PCCB: variants seen among roughly 807,000 people sequenced by gnomAD.
The protein encoded by PCCB is propionyl-CoA carboxylase subunit beta, also known as propionyl-CoA carboxylase beta chain, mitochondrial.
Under a neutral mutation model 60.7 loss-of-function variants are expected in PCCB, and 43 were observed. That is an observed-to-expected ratio of 0.71 (90% confidence interval 0.55 to 0.91). The LOEUF is 0.91. PCCB is among the 40% of genes least tolerant of loss of function. The pLI is 0.00. For missense variants in PCCB, 766 were observed against 702.8 expected (o/e 1.09, Z -1.02); for synonymous variants, 276 against 255.9 (o/e 1.08, Z -0.75).
At chr3:136,300,117 C>T (rs1232849187) in intron 8 of PCCB, among the ~76,000 whole-genome samples, 1 of 151,504 alleles carries the variant, frequency 6.6e-6, no homozygotes, top group Non-Finnish European at 1.5e-5. Context: ...TGCATATCTA[C>T]ACGTGTATAT....
intron 6 of PCCB, among the ~76,000 whole-genome samples, chr3:136,292,699 GGAA>G (rs1330165728): frequency 4.6e-5 from 7 of 152,198 alleles, no homozygotes; most frequent in African/African-American, 1.7e-4. Flanking sequence ...GAATGTGTTG[GGAA>G]GAAAATGTTT....
chr3:136,299,758 G>A (rs1097472), intron 8 of PCCB, among the ~76,000 whole-genome samples: 13 of 149,284 alleles, frequency 8.7e-5, no homozygotes, highest in East Asian at 7.9e-4. Flanking sequence ...ATGCATGTGT[G>A]TGTATGTATA....
At chr3:136,318,226 T>TC (rs111553081) in intron 10 of PCCB, among the ~76,000 whole-genome samples, 1,831 of 152,126 alleles carry the variant, frequency 0.012, 27 homozygotes, top group East Asian at 0.036. Flanking sequence ...GTGCCTGTAG[T>TC]CCAGCTACTT....
At chr3:136,260,670 G>C in intron 4 of PCCB, 135 bp downstream of exon 4, 2 of 749,862 alleles carry the variant, frequency 2.7e-6, no homozygotes, top group South Asian at 1.5e-5. Flanking sequence ...CTACCAACCC[G>C]AAGGGGTGCA....
rs1416229997 is a variant in PCCB at position 136,304,829 on chromosome 3, T to G, written c.966+3718T>G. 7.6e-5 allele frequency among the ~76,000 whole-genome samples: 9 copies of G among 119,044 alleles called. 1 individual carries two copies. Among genetic ancestry groups the G allele is most frequent in the African/African-American group, 2.3e-4 (9 of 39,360 alleles). 78.1% of individuals were successfully genotyped at this position (119,044 alleles called of 152,430 possible). Reference sequence around the variant, plus strand: ...GCCTCAACCTCCTGAATAGCTGTGATTTCAGGCACCCGCCACCACGCTTGG... The same window carrying G: ...GCCTCAACCTCCTGAATAGCTGTGAGTTCAGGCACCCGCCACCACGCTTGG... On this transcript the variant is annotated intron_variant, in intron 9 of 14. Transcript: ENST00000251654.
At position 136,329,949 on chromosome 3, in the gene PCCB, A is replaced by G; in HGVS notation, c.1543A>G (p.Ile515Val). The G allele has an allele frequency of 1.2e-6, 2 of 1,614,196 alleles. No individual in the cohort carries two copies. Among genetic ancestry groups the G allele is most frequent in the Non-Finnish European group, 1.7e-6 (2 of 1,180,018 alleles). The change falls in exon 15 of 15, where the codon ATC (isoleucine) becomes GTC (valine). Residue 515 changes from isoleucine (I) to valine (V), a missense_variant. Physicochemically the swap from Ile to Val is conservative, Grantham distance 29. Transcript: ENST00000251654. ...CCAACCTTCTTCCACACGTGCCCGA[A>G]TCTGCTGTGACCTGGATGTCTTGGC... ...IIQPSSTRAR[I>V]CCDLDVLASK...
chr3:136,293,680 T>C, intron 6 of PCCB, 76 bp from the exon 7 acceptor site: 1 of 904,856 alleles, frequency 1.1e-6, no homozygotes. Flanking sequence ...ATTTGTCATC[T>C]TGGCTGAATC....
chr3:136,267,577 C>T (rs895510840), intron 5 of PCCB, among the ~76,000 whole-genome samples: 3 of 152,008 alleles, frequency 2.0e-5, no homozygotes, highest in African/African-American at 4.8e-5. Context: ...CTGGACTTCC[C>T]GGGGTCAGGC....
chr3:136,262,193 C>T, intron 5 of PCCB, 128 bp downstream of exon 5: 1 of 706,692 alleles, frequency 1.4e-6, no homozygotes, highest in Non-Finnish European at 2.6e-6. Flanking sequence ...TGGGTCCTTT[C>T]TGTGTCACTG....
chr3:136,320,951 G>A (rs1203169314), intron 10 of PCCB, among the ~76,000 whole-genome samples: 7 of 152,168 alleles, frequency 4.6e-5, no homozygotes, highest in Non-Finnish European at 1.0e-4. Context: ...AATGTTAGCT[G>A]TGGGTTTTTC....
intron 9 of PCCB, among the ~76,000 whole-genome samples, chr3:136,309,580 G>C (rs1400283142): frequency 2.0e-5 from 3 of 151,762 alleles, no homozygotes; most frequent in Non-Finnish European, 4.4e-5. Context: ...TGGGAGGATC[G>C]CTTGAAGCCA....
intron 1 of PCCB, among the ~76,000 whole-genome samples, chr3:136,254,548 TA>T (rs1333563481): frequency 1.2e-4 from 15 of 130,368 alleles, no homozygotes; most frequent in African/African-American, 4.8e-4. Flanking sequence ...TTTTTTTTTT[TA>T]AAAGACAGGT....
intron 10 of PCCB, among the ~76,000 whole-genome samples, chr3:136,317,883 T>C (rs764159390): frequency 6.6e-6 from 1 of 152,216 alleles, no homozygotes; most frequent in African/African-American, 2.4e-5. Flanking sequence ...GGCTGTGCTC[T>C]GGGAGGGATT....
intron 10 of PCCB, among the ~76,000 whole-genome samples, chr3:136,325,051 G>C (rs1446803876): frequency 6.6e-6 from 1 of 152,028 alleles, no homozygotes; most frequent in Non-Finnish European, 1.5e-5. Context: ...CACCACGCTC[G>C]GCTAATTTTT....
At position 136,250,406 on chromosome 3, in the gene PCCB, G is replaced by C. The variant is rs757860152; in HGVS notation, c.31G>C (p.Gly11Arg). The change falls in exon 1 of 15, where the codon GGG (glycine) becomes CGG (arginine). Residue 11 changes from glycine (G) to arginine (R), a missense_variant. Physicochemically the swap from Gly to Arg is moderately radical, Grantham distance 125. Transcript: ENST00000251654. MAAALRVAAV[G>R]ARLSVLASGL... Reference sequence around the variant, plus strand: ...GGCGGCATTACGGGTGGCGGCGGTCGGGGCAAGGCTCAGCGTTCTGGCGAG... The same window carrying C: ...GGCGGCATTACGGGTGGCGGCGGTCCGGGCAAGGCTCAGCGTTCTGGCGAG... 3.9e-6 allele frequency: 6 copies of C among 1,547,508 alleles called. No homozygotes were observed. The highest frequency in any genetic ancestry group is 2.7e-5 in the African/African-American group (2 of 72,876).
At chr3:136,299,989 T>C (rs1026559137) in intron 8 of PCCB, among the ~76,000 whole-genome samples, 2 of 151,836 alleles carry the variant, frequency 1.3e-5, no homozygotes, top group African/African-American at 2.4e-5. Flanking sequence ...CATGCATGTG[T>C]ATATATGCAT....
At chr3:136,256,165 A>G (rs1387425911) in intron 2 of PCCB, 190 bp downstream of exon 2, 1 of 782,516 alleles carries the variant, frequency 1.3e-6, no homozygotes, top group East Asian at 2.8e-5. Context: ...CTGGCCTTGA[A>G]CTCCTGGCTT....
intron 7 of PCCB, among the ~76,000 whole-genome samples, chr3:136,296,277 T>TTC (rs1176719810): frequency 2.0e-5 from 3 of 152,206 alleles, no homozygotes; most frequent in African/African-American, 7.2e-5. Flanking sequence ...CCACAGATAC[T>TTC]TCTGCTCTAG....
At chr3:136,268,109 T>TAG (rs1942078820) in intron 5 of PCCB, among the ~76,000 whole-genome samples, 1 of 134,208 alleles carries the variant, frequency 7.5e-6, no homozygotes, top group Non-Finnish European at 1.5e-5. Context: ...TATATATATA[T>TAG]ATATATATAT....
Sources: allele counts gnomAD v4.1 joint callset (sites outside exome capture counted in the v4.1 genomes callset), GRCh38; gene constraint gnomAD v4.1.1; transcripts MANE v1.5; gene names NCBI Gene and HGNC (gene_info 2026-07-23, HGNC 2026-07-21).